Variants in KDM3B observed in about 807,000 individuals in gnomAD.
KDM3B encodes lysine demethylase 3B, also known as lysine-specific demethylase 3B.
A neutral mutation model predicts 170.0 loss-of-function variants in KDM3B; 10 were observed. That is an observed-to-expected ratio of 0.06 (90% CI 0.04 to 0.10). The LOEUF is 0.10. Ranked by LOEUF, KDM3B falls within the 10% of genes least tolerant of loss-of-function variation. The pLI, the probability that KDM3B is intolerant of heterozygous loss-of-function variation, is 1.00. For synonymous variants in KDM3B, 831 were observed against 834.8 expected, an observed-to-expected ratio of 1.00 and a Z score of 0.08; for missense variants, 1,394 against 2,195.2, an observed-to-expected ratio of 0.64 and a Z score of 7.29.
intron 16 of KDM3B, 77 bp downstream of exon 16, chr5:138,424,418 CT>C: frequency 6.7e-7 from 1 of 1,486,160 alleles, no homozygotes; most frequent in Non-Finnish European, 9.1e-7. Flanking sequence ...CCAGGTCTCT[CT>C]TTTTGCCAGG....
At chr5:138,394,671 A>G (rs754508193) in intron 9 of KDM3B, among the ~76,000 whole-genome samples, 1 of 152,214 alleles carries the variant, frequency 6.6e-6, no homozygotes, top group Non-Finnish European at 1.5e-5. Context: ...TGAGTTAATG[A>G]TGGGTCCACA....
In KDM3B at chr5:138,352,812, C is replaced by CAG; in HGVS notation, c.17_18insAG (p.Ser7AlafsTer50). ...GCCCCGGCGATGGCGGACGCGGCGG[C>CAG]CTCCCCGGTGGGCAAGCGGCTGCTG... is the stretch of plus-strand genomic sequence containing the variant. On this transcript the variant is annotated frameshift_variant, in exon 1 of 24. Coordinates refer to ENST00000314358, the MANE Select transcript of KDM3B (RefSeq NM_016604.4). LOFTEE classifies it high-confidence loss of function. The CAG allele has an allele frequency of 7.6e-7, 1 of 1,315,350 alleles. No individual in the cohort carries two copies. Among genetic ancestry groups the CAG allele is most frequent in the South Asian group, 1.9e-5 (1 of 52,782 alleles). The allele number at this position is 1,315,350 out of a possible 1,614,324, so 81.5% of individuals were successfully genotyped here.
chr5:138,415,423 G>A (rs1763078330), intron 12 of KDM3B, among the ~76,000 whole-genome samples, 184 bp downstream of exon 12: 1 of 151,714 alleles, frequency 6.6e-6, no homozygotes. Flanking sequence ...AGACCCTTCT[G>A]TATTATTGAA....
intron 9 of KDM3B, among the ~76,000 whole-genome samples, chr5:138,394,203 T>C (rs930864278): frequency 6.6e-6 from 1 of 151,952 alleles, no homozygotes; most frequent in Non-Finnish European, 1.5e-5. Flanking sequence ...TGAGACCTAG[T>C]CTCTACAGAA....
At chr5:138,431,285 A>T in intron 22 of KDM3B, 140 bp from the exon 23 acceptor site, 1 of 690,496 alleles carries the variant, frequency 1.4e-6, no homozygotes, top group Non-Finnish European at 2.2e-6. Flanking sequence ...ATTTGCACTT[A>T]CAGCTTTTCT....
chr5:138,434,996 TCA>T (rs1391691648), intron 23 of KDM3B, among the ~76,000 whole-genome samples: 3 of 152,164 alleles, frequency 2.0e-5, no homozygotes, highest in South Asian at 2.1e-4. Context: ...AGAAATAACC[TCA>T]GTTTTCTTGT....
At chr5:138,360,479 C>T (rs1761568502) in intron 1 of KDM3B, among the ~76,000 whole-genome samples, 1 of 150,800 alleles carries the variant, frequency 6.6e-6, no homozygotes, top group Admixed American at 6.6e-5. Context: ...TTGAGTTTTT[C>T]AGACACTCAA....
chr5:138,387,049 C>G (rs1367566113), intron 7 of KDM3B, among the ~76,000 whole-genome samples: 1 of 152,006 alleles, frequency 6.6e-6, no homozygotes, highest in African/African-American at 2.4e-5. Flanking sequence ...TTCAATTCAT[C>G]ATTTTCTATG....
At chr5:138,416,854 C>A (rs148023826) in intron 12 of KDM3B, among the ~76,000 whole-genome samples, 108 of 152,136 alleles carry the variant, frequency 7.1e-4, no homozygotes, top group African/African-American at 2.5e-3. Context: ...GGAGTCTCAC[C>A]CTGTTGCCCA....
At chr5:138,423,704 G>T (rs1580952604) in intron 15 of KDM3B, among the ~76,000 whole-genome samples, 1 of 152,118 alleles carries the variant, frequency 6.6e-6, no homozygotes, top group South Asian at 2.1e-4. Context: ...GAAAAATTTA[G>T]AACCCTCAAA....
intron 1 of KDM3B, among the ~76,000 whole-genome samples, chr5:138,359,844 A>C (rs1761554100): frequency 6.6e-6 from 1 of 151,964 alleles, no homozygotes; most frequent in African/African-American, 2.4e-5. Flanking sequence ...TTTATCCCTT[A>C]ATCTTTCATC....
Position 138,386,313 on chromosome 5 carries a change from A to G in KDM3B, c.1072A>G (p.Thr358Ala). 1 of 1,614,204 alleles carries G rather than the reference A, an allele frequency of 6.2e-7. No individual in the cohort carries two copies. Among genetic ancestry groups the G allele is most frequent in the Non-Finnish European group, 8.5e-7 (1 of 1,180,042 alleles). ...GATAAACCGCAACATTCGCTTTGCC[A>G]CTTACACCAAAGAAAACGGCAGGAC... ...PQINRNIRFA[T>A]YTKENGRTLV... Residue 358 changes from threonine (T) to alanine (A), a missense_variant, in exon 7 of 24, where the codon ACT becomes GCT. By Grantham distance (58) the Thr-to-Ala change is moderately conservative. Coordinates refer to ENST00000314358, the MANE Select transcript of KDM3B (RefSeq NM_016604.4).
chr5:138,410,405 C>A (rs77588725), intron 11 of KDM3B, among the ~76,000 whole-genome samples: 3 of 151,906 alleles, frequency 2.0e-5, no homozygotes, highest in African/African-American at 4.8e-5. Flanking sequence ...TAATCAATTA[C>A]GACAAAGGTG....
intron 11 of KDM3B, among the ~76,000 whole-genome samples, chr5:138,406,135 A>C (rs1762813593): frequency 6.6e-6 from 1 of 152,220 alleles, no homozygotes; most frequent in Non-Finnish European, 1.5e-5. Flanking sequence ...ACTTGAGGCC[A>C]GGAGTTCAAG....
chr5:138,359,591 G>A (rs1393944731), intron 1 of KDM3B, among the ~76,000 whole-genome samples: 2 of 151,502 alleles, frequency 1.3e-5, no homozygotes, highest in African/African-American at 4.9e-5. Flanking sequence ...ACAGGCATGA[G>A]CCACTGCACT....
In KDM3B at chr5:138,427,209, A is replaced by G. The variant is rs1276673878; in HGVS notation, c.4523A>G (p.Asn1508Ser). 6.2e-7 allele frequency: 1 copy of G among 1,613,472 alleles called. No homozygotes were observed. The highest frequency in any genetic ancestry group is 1.7e-5 in the Admixed American group (1 of 60,008). Reference sequence around the variant, plus strand: ...TATAGGTTTGAAGATCTGATGGAGAACCTTCCTCTGCCAGAATATACCAAA... The same window carrying G: ...TATAGGTTTGAAGATCTGATGGAGAGCCTTCCTCTGCCAGAATATACCAAA... ...MPTRFEDLME[N>S]LPLPEYTKRD... is the part of the protein sequence containing the mutation. The change falls in exon 19 of 24, where the codon AAC becomes AGC. Residue 1508 changes from asparagine (N) to serine (S), a missense_variant. This residue lies in a region of KDM3B where 66 missense variants were observed against 178.8 expected (regional missense o/e 0.37). Transcript: ENST00000314358.
chr5:138,408,353 C>CT (rs1181455666), intron 11 of KDM3B, among the ~76,000 whole-genome samples: 2 of 143,722 alleles, frequency 1.4e-5, no homozygotes, highest in East Asian at 2.0e-4. Context: ...TTTTTTTTTT[C>CT]TTTTTTTCCT....
chr5:138,370,974 A>G (rs1440818757), intron 1 of KDM3B, among the ~76,000 whole-genome samples: 1 of 151,994 alleles, frequency 6.6e-6, no homozygotes, highest in East Asian at 1.9e-4. Context: ...ATACCCAGCT[A>G]ATTTTTGTAT....
intron 5 of KDM3B, 77 bp from the exon 6 acceptor site, chr5:138,381,439 A>G (rs1313288710): frequency 4.3e-6 from 4 of 925,144 alleles, no homozygotes; most frequent in Non-Finnish European, 5.3e-6. Flanking sequence ...TAAAGAGATA[A>G]TTACATTGAT....
Sources: gnomAD v4.1 joint callset for allele counts (sites outside exome capture counted in the v4.1 genomes callset) on GRCh38, gnomAD v4.1.1 for gene constraint, gnomAD v4.1.1 regional missense constraint, MANE v1.5 for transcripts, NCBI Gene and HGNC (gene_info 2026-07-23, HGNC 2026-07-21) for gene names.